The following KIT variants were observed in gnomAD, a reference collection of about 807,000 sequenced individuals.
KIT encodes the protein KIT proto-oncogene, receptor tyrosine kinase.
A neutral mutation model predicts 105.7 loss-of-function variants in KIT; 16 were observed. The ratio of observed to expected loss-of-function variants is 0.15; its 90% CI spans 0.10 to 0.23. KIT has a LOEUF of 0.23. Among genes scored for constraint, KIT ranks in the 10% least tolerant of loss-of-function variants. The pLI, the probability that KIT is intolerant of heterozygous loss-of-function variation, is 1.00. For missense variants in KIT, 858 were observed against 1,213.8 expected (o/e 0.71, Z 4.36); for synonymous variants, 438 against 441.1 (o/e 0.99, Z 0.09).
chr4:54,686,667 C>A (rs574411140), intron 1 of KIT, among the ~76,000 whole-genome samples: 18 of 152,284 alleles, frequency 1.2e-4, no homozygotes, highest in African/African-American at 3.9e-4. Context: ...ACATCAGCCT[C>A]CTGAGTACCT....
chr4:54,682,021 A>G (rs1181272667), intron 1 of KIT, among the ~76,000 whole-genome samples: 1 of 152,122 alleles, frequency 6.6e-6, no homozygotes, highest in Non-Finnish European at 1.5e-5. Context: ...TTTATATTAT[A>G]AGAGAATCAC....
chr4:54,734,702 A>G (rs1722817348), intron 17 of KIT, among the ~76,000 whole-genome samples: 1 of 152,168 alleles, frequency 6.6e-6, no homozygotes, highest in Non-Finnish European at 1.5e-5. Flanking sequence ...TTTTGTCATC[A>G]TCATTTGAGA....
intron 1 of KIT, among the ~76,000 whole-genome samples, chr4:54,659,888 G>C (rs763754987): frequency 4.9e-4 from 75 of 152,164 alleles, no homozygotes; most frequent in Admixed American, 4.6e-4. Context: ...TCCTGGGGGG[G>C]CAGTGTGGTG....
At chr4:54,684,834 G>A (rs1024387335) in intron 1 of KIT, among the ~76,000 whole-genome samples, 8 of 152,212 alleles carry the variant, frequency 5.3e-5, no homozygotes, top group Non-Finnish European at 1.0e-4. Flanking sequence ...TGGTGGTTCC[G>A]ACATGCAGCT....
At chr4:54,738,338 G>A (rs1015223863) in intron 20 of KIT, 91 bp from the exon 21 acceptor site, 5 of 1,469,116 alleles carry the variant, frequency 3.4e-6, no homozygotes, top group African/African-American at 1.4e-5. Flanking sequence ...GTTTCCATCA[G>A]TTAGTTGTGA....
chr4:54,727,615 G>A (rs2109778217), intron 11 of KIT, 73 bp downstream of exon 11: 1 of 1,582,904 alleles, frequency 6.3e-7, no homozygotes. Flanking sequence ...GAACTCCAGT[G>A]GCTTCCTTTG....
chr4:54,727,057 CAA>C (rs1722265686), intron 9 of KIT, among the ~76,000 whole-genome samples, 159 bp from the exon 10 acceptor site: 1 of 152,134 alleles, frequency 6.6e-6, no homozygotes, highest in Non-Finnish European at 1.5e-5. Flanking sequence ...ATTTGAATAA[CAA>C]GAGTACAATG....
intron 6 of KIT, among the ~76,000 whole-genome samples, chr4:54,708,314 G>A (rs190994713): frequency 6.6e-5 from 10 of 152,282 alleles, no homozygotes; most frequent in African/African-American, 1.7e-4. Context: ...TAGAAGCAGA[G>A]CCTGAGACAG....
At chr4:54,661,353 TGTG>T (rs146835944) in intron 1 of KIT, among the ~76,000 whole-genome samples, 2,665 of 152,256 alleles carry the variant, frequency 0.018, 76 homozygotes, top group African/African-American at 0.061. Context: ...GTACAGATGT[TGTG>T]GTGGTGATGA....
intron 7 of KIT, among the ~76,000 whole-genome samples, chr4:54,719,994 G>A (rs377395717): frequency 6.6e-6 from 1 of 152,142 alleles, no homozygotes; most frequent in Non-Finnish European, 1.5e-5. Flanking sequence ...AAGGCACCTA[G>A]AGTGTGAAAT....
At chr4:54,677,079 G>T (rs1156839062) in intron 1 of KIT, among the ~76,000 whole-genome samples, 1 of 152,140 alleles carries the variant, frequency 6.6e-6, no homozygotes, top group African/African-American at 2.4e-5. Context: ...TGAGGGGTGG[G>T]GAATTCTTGC....
chr4:54,740,591 T>C lies in KIT; in HGVS notation c.*2034T>C, dbSNP rs1723188294. The C allele has an allele frequency of 4.3e-6, 1 of 232,912 alleles. No homozygotes were observed. The allele number at this position is 232,912 out of a possible 1,614,324, so 14.4% of individuals were successfully genotyped here. A position where few individuals can be genotyped will look rare whatever the true frequency, so the allele number is the denominator to read the frequency against. On this transcript the variant is annotated 3_prime_UTR_variant, in exon 21 of 21. Transcript: ENST00000288135. ...ATATTTTTTATATATACAGTAACTT[T>C]ATGTGTAAATACATAAGCGGCGTAA...
rs150953605 is a variant in KIT at position 54,680,334 on chromosome 4, C to T, written c.68-15178C>T. On this transcript the variant is annotated intron_variant, in intron 1 of 20. Coordinates refer to ENST00000288135, the MANE Select transcript of KIT (RefSeq NM_000222.3). ...TCAAATTAGATGCCATAAGTTAGAA[C>T]TAGAGTTTAGGGTTGTCACACTTTT... Among the ~76,000 whole-genome samples the T allele has an allele frequency of 4.0e-3, 588 of 147,132 alleles. 3 individuals carry two copies. Among genetic ancestry groups the T allele is most frequent in the African/African-American group, 0.014 (557 of 40,092 alleles).
chr4:54,702,854 C>T (rs973518388), intron 4 of KIT, among the ~76,000 whole-genome samples: 1 of 152,148 alleles, frequency 6.6e-6, no homozygotes, highest in Non-Finnish European at 1.5e-5. Flanking sequence ...CAAGGAATCA[C>T]CCTTGATCTC....
rs147943899 is a variant in KIT at position 54,695,665 on chromosome 4, C to G, written c.221C>G (p.Thr74Arg). 1 of 1,614,164 alleles carries G rather than the reference C, an allele frequency of 6.2e-7. No individual in the cohort carries two copies. Among genetic ancestry groups the G allele is most frequent in the African/African-American group, 1.3e-5 (1 of 75,038 alleles). ...TGGACTTTTGAGATCCTGGATGAAA[C>G]GAATGAGAATAAGCAGAATGAATGG... Reference protein sequence around the residue: ...VKWTFEILDETNENKQNEWIT... With the variant: ...VKWTFEILDERNENKQNEWIT... Residue 74 changes from threonine to arginine, a missense_variant, in exon 2 of 21, where the codon ACG becomes AGG. Around this residue, in one of 7 missense-constraint regions of KIT, gnomAD observed 401 missense variants for 601.0 expected, o/e 0.67. Transcript: ENST00000288135.
intron 7 of KIT, among the ~76,000 whole-genome samples, chr4:54,718,640 T>C (rs1362517009): frequency 2.6e-5 from 4 of 152,220 alleles, no homozygotes; most frequent in African/African-American, 9.6e-5. Context: ...AATATGTATC[T>C]CGCCCTTTAT....
chr4:54,711,186 G>C (rs1349985802), intron 7 of KIT, among the ~76,000 whole-genome samples: 1 of 152,186 alleles, frequency 6.6e-6, no homozygotes, highest in Non-Finnish European at 1.5e-5. Flanking sequence ...CAACCTGTGT[G>C]AAGTGATTTT....
At chr4:54,719,911 T>C (rs1220464495) in intron 7 of KIT, among the ~76,000 whole-genome samples, 2 of 152,172 alleles carry the variant, frequency 1.3e-5, no homozygotes, top group Non-Finnish European at 2.9e-5. Flanking sequence ...TGTACTAGTG[T>C]GTCTCATCCT....
intron 1 of KIT, among the ~76,000 whole-genome samples, chr4:54,693,907 T>G (rs1221528721): frequency 6.6e-6 from 1 of 152,200 alleles, no homozygotes; most frequent in Non-Finnish European, 1.5e-5. Context: ...TATAGTGTCT[T>G]TTCCTGTTTA....
Sources: allele counts gnomAD v4.1 joint callset (sites outside exome capture counted in the v4.1 genomes callset), GRCh38; gene constraint gnomAD v4.1.1; regional missense constraint gnomAD v4.1.1; transcripts MANE v1.5; gene names NCBI Gene and HGNC (gene_info 2026-07-23, HGNC 2026-07-21).